SCHIP1: variants seen among roughly 807,000 people sequenced by gnomAD.
The protein encoded by SCHIP1 is schwannomin-interacting protein 1.
SCHIP1 carries 8 observed loss-of-function variants against 29.7 expected under a neutral mutation model. The ratio of observed to expected loss-of-function variants is 0.27; its 90% confidence interval spans 0.16 to 0.49. The LOEUF (loss-of-function observed/expected upper bound fraction) is 0.49. SCHIP1 is among the 20% of genes least tolerant of loss of function. The pLI, the probability that SCHIP1 is intolerant of heterozygous loss-of-function variation, is 0.99. For missense variants in SCHIP1, 193 were observed against 294.6 expected, an observed-to-expected ratio of 0.66 and a Z score of 2.52; for synonymous variants, 76 against 94.9, an observed-to-expected ratio of 0.80 and a Z score of 1.16.
At chr3:159,389,934 A>G in the SCHIP1 span, among the ~76,000 whole-genome samples, 1 of 152,076 alleles carries the variant, frequency 6.6e-6, no homozygotes, top group South Asian at 2.1e-4. Flanking sequence ...ATTACTCCAT[A>G]TAAATACAAT....
At chr3:159,766,032 TAAAAG>T in the SCHIP1 span, among the ~76,000 whole-genome samples, 13 of 152,170 alleles carry the variant, frequency 8.5e-5, no homozygotes, top group African/African-American at 2.9e-4. Flanking sequence ...ATAAATGACT[TAAAAG>T]AAAACCATCA....
chr3:159,592,812 C>T, the SCHIP1 span, among the ~76,000 whole-genome samples: 3 of 152,118 alleles, frequency 2.0e-5, no homozygotes, highest in Admixed American at 2.0e-4. Context: ...AGAAAGGAAA[C>T]AATAGGCCTG....
At chr3:159,886,351 C>G in intron 3 of SCHIP1, 27 bp downstream of exon 4, 2 of 1,599,684 alleles carry the variant, frequency 1.3e-6, no homozygotes, top group Non-Finnish European at 1.7e-6. Context: ...CCAGCTGAAG[C>G]TCGGTGTTGT....
the SCHIP1 span, among the ~76,000 whole-genome samples, chr3:159,424,880 C>T: frequency 1.3e-5 from 2 of 148,494 alleles, no homozygotes; most frequent in Admixed American, 1.4e-4. Context: ...GAGTGGGGGC[C>T]AATATTCAAC....
chr3:159,540,670 AAG>A, the SCHIP1 span, among the ~76,000 whole-genome samples: 1 of 152,140 alleles, frequency 6.6e-6, no homozygotes, highest in Non-Finnish European at 1.5e-5. Context: ...AGAGGGTTAA[AAG>A]AGAATTTTTG....
chr3:159,324,820 A>G, the SCHIP1 span, among the ~76,000 whole-genome samples: 21 of 152,146 alleles, frequency 1.4e-4, no homozygotes, highest in African/African-American at 5.1e-4. Context: ...TTCATTTTCT[A>G]CGTGAATCTT....
the SCHIP1 span, among the ~76,000 whole-genome samples, chr3:159,590,428 T>C: frequency 6.6e-6 from 1 of 151,890 alleles, no homozygotes; most frequent in Non-Finnish European, 1.5e-5. Flanking sequence ...ATACAAAAAT[T>C]AGCCGGGCAC....
the SCHIP1 span, among the ~76,000 whole-genome samples, chr3:159,372,329 G>A: frequency 0.011 from 1,702 of 152,136 alleles, 19 homozygotes; most frequent in South Asian, 0.033. Flanking sequence ...TCAAATTAAA[G>A]CTGAAAATGG....
At chr3:159,847,865 GCAAAC>G (rs1712052134) in intron 1 of SCHIP1, among the ~76,000 whole-genome samples, 1 of 152,066 alleles carries the variant, frequency 6.6e-6, no homozygotes, top group Admixed American at 6.5e-5. Flanking sequence ...TAATTGAAAA[GCAAAC>G]CAAATTTAGA....
the SCHIP1 span, among the ~76,000 whole-genome samples, chr3:159,287,711 C>T: frequency 1.3e-5 from 2 of 152,090 alleles, no homozygotes; most frequent in South Asian, 2.1e-4. Flanking sequence ...TAATTATTCT[C>T]ATTTTACAGG....
the SCHIP1 span, among the ~76,000 whole-genome samples, chr3:159,471,952 A>T: frequency 6.6e-6 from 1 of 152,156 alleles, no homozygotes; most frequent in South Asian, 2.1e-4. Flanking sequence ...TTAGAAAGAC[A>T]TATATGCAGT....
the SCHIP1 span, among the ~76,000 whole-genome samples, chr3:159,694,615 T>C: frequency 1.3e-5 from 2 of 150,712 alleles, no homozygotes; most frequent in African/African-American, 2.4e-5. Context: ...AAAGGAATTA[T>C]GACCAATGAC....
chr3:159,393,627 T>C, the SCHIP1 span, among the ~76,000 whole-genome samples: 1 of 149,048 alleles, frequency 6.7e-6, no homozygotes, highest in South Asian at 2.2e-4. Context: ...TAGTTGTAGA[T>C]ATGTGGCGTT....
the SCHIP1 span, among the ~76,000 whole-genome samples, chr3:159,355,104 T>G: frequency 6.6e-6 from 1 of 152,124 alleles, no homozygotes; most frequent in Admixed American, 6.5e-5. Flanking sequence ...TTGAGTCACA[T>G]CAACAGCCCT....
chr3:159,657,362 A>T, the SCHIP1 span, among the ~76,000 whole-genome samples: 3 of 152,296 alleles, frequency 2.0e-5, no homozygotes, highest in South Asian at 6.2e-4. Flanking sequence ...CATTTACTTT[A>T]GCCTTTATAT....
chr3:159,692,920 A>G, the SCHIP1 span, among the ~76,000 whole-genome samples: 1 of 152,234 alleles, frequency 6.6e-6, no homozygotes, highest in East Asian at 1.9e-4. Context: ...TTGTTATATA[A>G]GGATTTCATC....
chr3:159,310,393 G>A, the SCHIP1 span, among the ~76,000 whole-genome samples: 1 of 152,014 alleles, frequency 6.6e-6, no homozygotes, highest in Non-Finnish European at 1.5e-5. Flanking sequence ...TTTAAAAAAT[G>A]ACAAAAATCT....
At chr3:159,512,687 T>G in the SCHIP1 span, among the ~76,000 whole-genome samples, 1 of 152,240 alleles carries the variant, frequency 6.6e-6, no homozygotes, top group South Asian at 2.1e-4. Flanking sequence ...CAAGCATTTA[T>G]CATTTGAGTG....
At chr3:159,874,292 C>T (rs1269771788) in intron 2 of SCHIP1, among the ~76,000 whole-genome samples, 3 of 152,162 alleles carry the variant, frequency 2.0e-5, no homozygotes, top group Admixed American at 1.3e-4. Context: ...TCTCCAAAGG[C>T]TGAATATTAT....
Sources: gnomAD v4.1 joint callset for allele counts (sites outside exome capture counted in the v4.1 genomes callset) on GRCh38, gnomAD v4.1.1 for gene constraint, MANE v1.5 for transcripts, NCBI Gene and HGNC (gene_info 2026-07-23, HGNC 2026-07-21) for gene names.